The following GCNT1 variants were observed in gnomAD, a reference collection of about 807,000 sequenced individuals.
GCNT1 encodes beta-1,3-galactosyl-O-glycosyl-glycoprotein beta-1,6-N-acetylglucosaminyltransferase.
Under a neutral mutation model 26.2 loss-of-function variants are expected in GCNT1, and 16 were observed. The ratio of observed to expected loss-of-function variants is 0.61; its 90% CI spans 0.41 to 0.93. GCNT1 has a LOEUF of 0.93. Ranked by LOEUF, GCNT1 falls within the 40% of genes least tolerant of loss-of-function variation. The pLI is 0.00. For synonymous variants in GCNT1, 183 were observed against 190.8 expected (o/e 0.96, Z 0.34); for missense variants, 477 against 526.7 (o/e 0.91, Z 0.92).
intron 2 of GCNT1, among the ~76,000 whole-genome samples, chr9:76,498,632 G>A (rs1446109338): frequency 6.6e-6 from 1 of 152,046 alleles, no homozygotes; most frequent in Non-Finnish European, 1.5e-5. Flanking sequence ...AATTAGCCAG[G>A]TGTGGGGGCG....
chr9:76,473,936 AAAAAATAT>A lies in GCNT1; in HGVS notation c.-290+13766_-290+13773del, dbSNP rs1434164160. On this transcript the variant is annotated intron_variant, in intron 2 of 3. Coordinates refer to ENST00000376730, the MANE Select transcript of GCNT1 (RefSeq NM_001490.5). ...CAACAGTGCAAGACCTTGCCTCTAC[AAAAAATAT>A]AAAAATTAGCCAGGCATGGTGGCAT... Among the ~76,000 whole-genome samples the A allele has an allele frequency of 2.0e-5, 3 of 152,156 alleles. No homozygotes were observed. The East Asian group carries it at 5.8e-4, about 29-fold the overall frequency.
intron 2 of GCNT1, among the ~76,000 whole-genome samples, chr9:76,467,524 T>C (rs1032019975): frequency 1.6e-4 from 25 of 152,116 alleles, no homozygotes; most frequent in Non-Finnish European, 2.9e-4. Flanking sequence ...TCAAACTCTA[T>C]ATCAATTCCA....
chr9:76,410,014 C>T, the GCNT1 span, among the ~76,000 whole-genome samples: 34 of 151,954 alleles, frequency 2.2e-4, no homozygotes, highest in African/African-American at 8.2e-4. Flanking sequence ...CTTCTTTGAC[C>T]AATGTGTTAT....
upstream of GCNT1, among the ~76,000 whole-genome samples, chr9:76,441,097 C>T (rs546379387): frequency 2.1e-4 from 32 of 151,394 alleles, no homozygotes; most frequent in South Asian, 5.7e-3. Flanking sequence ...GCCTAGGCCA[C>T]ATTCCATAGC....
intron 2 of GCNT1, among the ~76,000 whole-genome samples, chr9:76,468,169 T>A (rs1279613978): frequency 1.3e-5 from 2 of 152,078 alleles, no homozygotes; most frequent in Middle Eastern, 3.2e-3. Context: ...AGTGCTGGGA[T>A]TACGGGCGTG....
upstream of GCNT1, among the ~76,000 whole-genome samples, chr9:76,414,960 G>A (rs1403009040): frequency 2.6e-5 from 4 of 152,138 alleles, no homozygotes; most frequent in South Asian, 2.1e-4. Flanking sequence ...TTTATTTTAC[G>A]TAGCTCCTAT....
intron 1 of GCNT1, among the ~76,000 whole-genome samples, chr9:76,445,643 T>C (rs1823563834): frequency 6.6e-6 from 1 of 150,772 alleles, no homozygotes; most frequent in Admixed American, 6.6e-5. Context: ...TCCTCCCGCC[T>C]TGGCCTCCCT....
At chr9:76,440,979 T>C (rs1184406374), upstream of GCNT1, among the ~76,000 whole-genome samples, 1 of 149,364 alleles carries the variant, frequency 6.7e-6, no homozygotes, top group East Asian at 2.0e-4. Flanking sequence ...TAGGAAAAAT[T>C]GCTTGAACCC....
rs1348726415 is a variant in GCNT1, at chr9:76,502,975, C to T, written c.594C>T (p.Asn198=). ...GGAGCCGGGTTCAGGCTGACCTCAA[C>T]TGCATGAAGGATCTCTATGCAATGA... ...ASWSRVQADL[N]CMKDLYAMSA... Residue 198 remains asparagine (N), a synonymous_variant, in exon 4 of 4, where the codon AAC becomes AAT. Transcript: ENST00000376730. 6.2e-7 allele frequency: 1 copy of T among 1,612,934 alleles called. No individual in the cohort carries two copies. Among genetic ancestry groups the T allele is most frequent in the South Asian group, 1.1e-5 (1 of 91,072 alleles).
At chr9:76,472,850 G>GT (rs1824169715) in intron 2 of GCNT1, among the ~76,000 whole-genome samples, 1 of 148,890 alleles carries the variant, frequency 6.7e-6, no homozygotes. Flanking sequence ...CCAGATTCAA[G>GT]TAATTCCCCT....
upstream of GCNT1, among the ~76,000 whole-genome samples, chr9:76,417,506 T>G (rs528921820): frequency 6.6e-6 from 1 of 152,304 alleles, no homozygotes; most frequent in African/African-American, 2.4e-5. Flanking sequence ...AGGTAAATGT[T>G]TTTACGTCAA....
intron 2 of GCNT1, among the ~76,000 whole-genome samples, chr9:76,489,228 G>T (rs1467064837): frequency 2.0e-5 from 3 of 152,206 alleles, no homozygotes; most frequent in Non-Finnish European, 4.4e-5. Flanking sequence ...ACATGACCTT[G>T]CCTTGATGGT....
At chr9:76,454,842 C>CTTTTTT (rs1183951605), upstream of GCNT1, among the ~76,000 whole-genome samples, 1,654 of 105,722 alleles carry the variant, frequency 0.016, 4 homozygotes, top group Non-Finnish European at 0.021. Context: ...CTTTTCTTTT[C>CTTTTTT]TTTTTTTTTT....
rs1279001629 is a variant in GCNT1 at position 76,428,292 on chromosome 9, T to TAAAAAAAAAAAAAAAAAAAAAAAAAA, written n.38+8416_38+8417insAAAAAAAAAAAAAAAAAAAAAAAAAA. On this transcript the variant is annotated intron_variant and non_coding_transcript_variant, in intron 1 of 3. Coordinates refer to the GCNT1 transcript ENST00000488136. The stretch of plus-strand genomic sequence containing the variant: ...AAAAAAAAAAAAAAAAAAAAAAACT[T>TAAAAAAAAAAAAAAAAAAAAAAAAAA]AAAAAAAAAAAGAGAGAGAGAAATG... Among the ~76,000 whole-genome samples, 25 of 85,912 alleles carry TAAAAAAAAAAAAAAAAAAAAAAAAAA rather than the reference T, an allele frequency of 2.9e-4. 1 individual carries two copies. Among genetic ancestry groups the TAAAAAAAAAAAAAAAAAAAAAAAAAA allele is most frequent in the South Asian group, 7.8e-4 (2 of 2,570 alleles). 56.4% of individuals were successfully genotyped at this position (85,912 alleles called of 152,430 possible).
intron 2 of GCNT1, among the ~76,000 whole-genome samples, chr9:76,474,032 C>T (rs367656341): frequency 6.6e-6 from 1 of 152,024 alleles, no homozygotes; most frequent in Non-Finnish European, 1.5e-5. Flanking sequence ...CCTGGGAAGT[C>T]GAGGCTGTAG....
rs567252472 is a variant in GCNT1, at chr9:76,442,476, T to A, written c.-290+161T>A. Among the ~76,000 whole-genome samples the A allele has an allele frequency of 6.3e-4, 95 of 151,628 alleles. 1 individual carries two copies. The highest frequency in any genetic ancestry group is 2.1e-3 in the African/African-American group (85 of 41,316). ...TGGGCGGATCACTTGAGGTCAGGAG[T>A]TCGAGACCAGCCTGGCCAACATGGC... On this transcript the variant is annotated intron_variant, in intron 1 of 2. Transcript: ENST00000442371.
At chr9:76,433,362 A>G (rs1290669752) in intron 1 of GCNT1, among the ~76,000 whole-genome samples, 7 of 152,186 alleles carry the variant, frequency 4.6e-5, no homozygotes, top group Admixed American at 4.6e-4. Context: ...CAGGCTGTGG[A>G]GGAACTAAAA....
In GCNT1 at chr9:76,502,156, ACTCTCTCT is replaced by A. The variant is rs71499157; in HGVS notation, c.-143-68_-143-61del. 496 of 150,308 alleles carry A rather than the reference ACTCTCTCT, an allele frequency of 3.3e-3. 4 individuals carry two copies. The highest frequency in any genetic ancestry group is 0.014 in the African/African-American group (478 of 34,552). 9.3% of individuals were successfully genotyped at this position (150,308 alleles called of 1,614,324 possible). A position where few individuals can be genotyped will look rare whatever the true frequency, so the allele number is the denominator to read the frequency against. ...AGCCTGAGAAGATTTATTGTGAAAA[ACTCTCTCT>A]CTCTCTCTCTCTCTGTATATATATA... is the stretch of plus-strand genomic sequence containing the variant. On this transcript the variant is annotated intron_variant, in intron 3 of 3. Coordinates refer to ENST00000376730, the MANE Select transcript of GCNT1 (RefSeq NM_001490.5).
At position 76,432,094 on chromosome 9, in the gene GCNT1, G is replaced by A. The variant is rs561699579; in HGVS notation, n.38+12207G>A. On this transcript the variant is annotated intron_variant and non_coding_transcript_variant, in intron 1 of 3. Coordinates refer to the GCNT1 transcript ENST00000488136. ...ACTGCACTCCAGCCTGGGCAACAGA[G>A]CAAAATTCTGTCTCAAGAAAAGGAA... Among the ~76,000 whole-genome samples the A allele has an allele frequency of 2.1e-3, 319 of 152,198 alleles. 1 individual carries two copies. Among genetic ancestry groups the A allele is most frequent in the South Asian group, 1.9e-3 (9 of 4,820 alleles).
Sources: allele counts gnomAD v4.1 joint callset (sites outside exome capture counted in the v4.1 genomes callset), GRCh38; gene constraint gnomAD v4.1.1; transcripts MANE v1.5; gene names NCBI Gene and HGNC (gene_info 2026-07-23, HGNC 2026-07-21).